DIDO1: variants seen among roughly 807,000 people sequenced by gnomAD.
The protein encoded by DIDO1 is death inducer-obliterator 1, also known as death-inducer obliterator 1.
A neutral mutation model predicts 99.4 loss-of-function variants in DIDO1; 16 were observed. The observed-to-expected ratio is 0.16, with a 90% CI of 0.11 to 0.24. The LOEUF (loss-of-function observed/expected upper bound fraction) is 0.24, where lower values mean the gene tolerates loss of function less well. Ranked by LOEUF, DIDO1 falls within the 10% of genes least tolerant of loss-of-function variation. The probability of loss-of-function intolerance (pLI) is 1.00; values close to 1 mark genes in which losing one functional copy is unlikely to be tolerated. For synonymous variants in DIDO1, 1,366 were observed against 1,239.1 expected (o/e 1.10, Z -2.15); for missense variants, 2,996 against 3,014.0 (o/e 0.99, Z 0.14).
At position 62,881,434 on chromosome 20, in the gene DIDO1, C is replaced by A; in HGVS notation, c.4522G>T (p.Gly1508Trp). 6.2e-7 allele frequency: 1 copy of A among 1,608,794 alleles called. No homozygotes were observed. Among genetic ancestry groups the A allele is most frequent in the Non-Finnish European group, 8.5e-7 (1 of 1,179,972 alleles). Residue 1508 changes from glycine (G) to tryptophan (W), a missense_variant, in exon 16 of 16, where the codon GGG becomes TGG. Gly to Trp is a radical substitution (Grantham distance 184). Around this residue, in one of 5 missense-constraint regions of DIDO1, gnomAD observed 1,562 missense variants for 1,412.6 expected, o/e 1.11. Coordinates refer to ENST00000395343, the MANE Select transcript of DIDO1 (RefSeq NM_001193369.2). The surrounding 1 kb of genome is among the most constrained non-coding windows in gnomAD (Gnocchi z 8.3). ...ACCGAGAAGTGGGCCATGGAGACCC[C>A]GACGGCGGCCCTCTGCTGCCTGAGA... ...EALRQQRAAVGVSMAHFSVSD... is the reference protein window; with the variant it reads ...EALRQQRAAVWVSMAHFSVSD...
chr20:62,906,800 G>A (rs576910841), intron 5 of DIDO1, among the ~76,000 whole-genome samples: 22 of 152,182 alleles, frequency 1.4e-4, no homozygotes, highest in Admixed American at 3.3e-4. Context: ...GCCTTGCCCC[G>A]AACCCGCCTC....
In DIDO1 at chr20:62,880,873, G is replaced by A. The variant is rs894251548; in HGVS notation, c.5083C>T (p.Leu1695Phe). 1.2e-6 allele frequency: 2 copies of A among 1,612,594 alleles called. No individual in the cohort carries two copies. The highest frequency in any genetic ancestry group is 1.7e-5 in the Admixed American group (1 of 60,030). Residue 1695 changes from leucine (L) to phenylalanine (F), a missense_variant, in exon 16 of 16, where the codon CTC (leucine) becomes TTC (phenylalanine). Coordinates refer to ENST00000395343, the MANE Select transcript of DIDO1 (RefSeq NM_001193369.2). ...CPGFASQDKALGSAQYEDPRN... is the reference protein window; with the variant it reads ...CPGFASQDKAFGSAQYEDPRN... Reference sequence around the variant, plus strand: ...GGGTCCTCATACTGGGCTGAGCCGAGAGCCTTGTCCTGCGACGCGAACCCC... The same window carrying A: ...GGGTCCTCATACTGGGCTGAGCCGAAAGCCTTGTCCTGCGACGCGAACCCC...
intron 1 of DIDO1, among the ~76,000 whole-genome samples, chr20:62,923,381 T>G (rs2065192694): frequency 6.6e-6 from 1 of 152,042 alleles, no homozygotes; most frequent in African/African-American, 2.4e-5. Flanking sequence ...TTCACCATAT[T>G]GGCCAGGCTG....
At chr20:62,907,053 C>A in intron 5 of DIDO1, 94 bp downstream of exon 5, 1 of 1,333,876 alleles carries the variant, frequency 7.5e-7, no homozygotes, top group South Asian at 1.2e-5. Flanking sequence ...CCTACACCTG[C>A]CACCCCCACA....
chr20:62,905,762 G>T (rs41282990), intron 6 of DIDO1, 125 bp downstream of exon 6: 1 of 1,608,758 alleles, frequency 6.2e-7, no homozygotes, highest in Admixed American at 1.7e-5. Flanking sequence ...CCCGCTGATG[G>T]TGCAGCCGGT....
chr20:62,889,512 C>A (rs962456867), intron 15 of DIDO1: 1 of 985,350 alleles, frequency 1.0e-6, no homozygotes, highest in African/African-American at 1.7e-5. Context: ...GTGCTCTTTC[C>A]ACCCCGGTAG....
upstream of DIDO1, among the ~76,000 whole-genome samples, chr20:62,931,317 T>C (rs2065330177): frequency 6.6e-6 from 1 of 152,206 alleles, no homozygotes; most frequent in African/African-American, 2.4e-5. Flanking sequence ...CCTCTGAGAA[T>C]GTTTCATGTT....
chr20:62,880,642 G>A lies in DIDO1; in HGVS notation c.5314C>T (p.Pro1772Ser), dbSNP rs151223439. ...GGAGGGGCTGGCCCCCTTGGTCCCG[G>A]GAAATTGGGGCCGTGAAGCCCTGAC... is the stretch of plus-strand genomic sequence containing the variant. ...GMSGLHGPNF[P>S]GPRGPAPPFP... The change falls in exon 16 of 16, where the codon CCG becomes TCG. Residue 1772 changes from proline (P) to serine (S), a missense_variant. Pro to Ser is a moderately conservative substitution (Grantham distance 74). Around this residue, in one of 5 missense-constraint regions of DIDO1, gnomAD observed 1,562 missense variants for 1,412.6 expected, o/e 1.11. Transcript: ENST00000395343. 1.2e-5 allele frequency: 20 copies of A among 1,612,744 alleles called. No individual in the cohort carries two copies. The African/African-American group carries it at 2.1e-4, about 17-fold the overall frequency.
chr20:62,912,745 A>C (rs2064969818), intron 2 of DIDO1, among the ~76,000 whole-genome samples: 1 of 152,248 alleles, frequency 6.6e-6, no homozygotes, highest in Admixed American at 6.5e-5. Flanking sequence ...AAATATACAA[A>C]ATGGGGCCGG....
At chr20:62,928,216 A>G (rs1041356615), upstream of DIDO1, among the ~76,000 whole-genome samples, 3 of 152,136 alleles carry the variant, frequency 2.0e-5, no homozygotes, top group Non-Finnish European at 4.4e-5. Flanking sequence ...CACTCAGGAG[A>G]GATAGATGGA....
chr20:62,903,007 T>G (rs1165561071), intron 6 of DIDO1, among the ~76,000 whole-genome samples: 2 of 152,098 alleles, frequency 1.3e-5, no homozygotes, highest in African/African-American at 4.8e-5. Flanking sequence ...CCAACTGACT[T>G]CATGCCTCGA....
chr20:62,926,011 G>T (rs1039433661), intron 1 of DIDO1, among the ~76,000 whole-genome samples: 1 of 152,112 alleles, frequency 6.6e-6, no homozygotes, highest in Non-Finnish European at 1.5e-5. Flanking sequence ...CGAGGTCCCC[G>T]AGAATGCCTA....
chr20:62,930,099 G>C (rs2065317152), upstream of DIDO1, among the ~76,000 whole-genome samples: 1 of 152,034 alleles, frequency 6.6e-6, no homozygotes, highest in Non-Finnish European at 1.5e-5. Flanking sequence ...AATTAGCCGG[G>C]CGTGGTGGCA....
intron 6 of DIDO1, among the ~76,000 whole-genome samples, chr20:62,900,308 G>C (rs926669211): frequency 6.6e-6 from 1 of 152,246 alleles, no homozygotes; most frequent in African/African-American, 2.4e-5. Flanking sequence ...CTGGGTTTCA[G>C]CCAACTGCAG....
chr20:62,893,898 C>T lies in DIDO1; in HGVS notation c.2869G>A (p.Val957Met), dbSNP rs373284910. ...CCGGACACTGTGACGGTGGTGACCACCCCGCTCCCACAGGAGGCTGGGCAG... is the reference window on the plus strand; with the variant it reads ...CCGGACACTGTGACGGTGGTGACCATCCCGCTCCCACAGGAGGCTGGGCAG... ...SPCPASCGSGVVTTVTVSGRD... is the reference protein window; with the variant it reads ...SPCPASCGSGMVTTVTVSGRD... The change falls in exon 12 of 16, where the codon GTG (valine) becomes ATG (methionine). Residue 957 changes from valine (V) to methionine (M), a missense_variant. Physicochemically the swap from Val to Met is conservative, Grantham distance 21. This residue lies in a region of DIDO1 where 898 missense variants were observed against 972.7 expected (regional missense o/e 0.92). Transcript: ENST00000395343. 1.8e-5 allele frequency: 29 copies of T among 1,610,874 alleles called. No homozygotes were observed. In the African/African-American group the frequency reaches 2.4e-4, roughly 13 times the overall value.
chr20:62,914,101 C>T (rs1041044469), intron 2 of DIDO1, 109 bp downstream of exon 2: 11 of 152,268 alleles, frequency 7.2e-5, no homozygotes, highest in Non-Finnish European at 1.5e-4. Context: ...CAAATGAATA[C>T]GAATACTACA....
intron 2 of DIDO1, 69 bp downstream of exon 2, chr20:62,914,141 C>T (rs1382730248): frequency 3.3e-5 from 5 of 152,188 alleles, no homozygotes; most frequent in Non-Finnish European, 5.9e-5. Context: ...ACAAATGCCA[C>T]TTTATAAATA....
intron 1 of DIDO1, among the ~76,000 whole-genome samples, chr20:62,923,163 C>T (rs2065188360): frequency 6.6e-6 from 1 of 152,016 alleles, no homozygotes; most frequent in Non-Finnish European, 1.5e-5. Context: ...AGCACATCAG[C>T]ATGCTTGGCC....
exon 1 of DIDO1, chr20:62,937,838 G>A (rs912192347): frequency 1.8e-5 from 7 of 398,232 alleles, no homozygotes; most frequent in African/African-American, 1.4e-4. Flanking sequence ...CCCGGTTCCA[G>A]ATTTCCGCGC....
Sources: allele counts gnomAD v4.1 joint callset (sites outside exome capture counted in the v4.1 genomes callset), GRCh38; gene constraint gnomAD v4.1.1; regional missense constraint gnomAD v4.1.1; non-coding constraint Gnocchi (gnomAD v3.1); transcripts MANE v1.5; gene names NCBI Gene and HGNC (gene_info 2026-07-23, HGNC 2026-07-21).